Variants in SULT4A1 observed in about 807,000 individuals in gnomAD.
The protein encoded by SULT4A1 is sulfotransferase 4A1.
In SULT4A1, 11 loss-of-function variants were observed where a neutral mutation model predicts 35.2. The observed-to-expected ratio is 0.31, with a 90% CI of 0.20 to 0.52. The LOEUF is 0.52. Ranked by LOEUF, SULT4A1 falls within the 20% of genes least tolerant of loss-of-function variation. The probability of loss-of-function intolerance (pLI) is 0.97; values close to 1 mark genes in which losing one functional copy is unlikely to be tolerated. For synonymous variants in SULT4A1, 152 were observed against 151.8 expected, an observed-to-expected ratio of 1.00 and a Z score of -0.01; for missense variants, 271 against 383.7, an observed-to-expected ratio of 0.71 and a Z score of 2.45.
At position 43,829,062 on chromosome 22, in the gene SULT4A1, C is replaced by CGGCCCACG; in HGVS notation, c.732_739dup (p.Arg247ProfsTer18). 6.6e-7 allele frequency: 1 copy of CGGCCCACG among 1,526,598 alleles called. No homozygotes were observed. Among genetic ancestry groups the CGGCCCACG allele is most frequent in the Non-Finnish European group, 8.8e-7 (1 of 1,131,872 alleles). 94.6% of individuals were successfully genotyped at this position (1,526,598 alleles called of 1,614,324 possible). ...GGGAGGCAGGGTGGGGCACGTACCC[C>CGGCCCACG]GGCCCACGGGCAGGGCCTCAGCGTT... On this transcript the variant is annotated frameshift_variant, in exon 6 of 7. Transcript: ENST00000330884. LOFTEE classifies it high-confidence loss of function.
Position 43,841,912 on chromosome 22 carries a change from C to T in SULT4A1, c.190G>A (p.Val64Met), listed in dbSNP as rs1410685224. The stretch of plus-strand genomic sequence containing the variant: ...GCGCCCTGGCTCACCAAGTAGACCA[C>T]CTCCTGCAGCAAGCTGGTGCCTGGA... Reference protein sequence around the residue: ...PKSGTSLLQEVVYLVSQGADP... With the variant: ...PKSGTSLLQEMVYLVSQGADP... The change falls in exon 2 of 7, where the codon GTG (valine) becomes ATG (methionine). Residue 64 changes from valine to methionine, a missense_variant. Transcript: ENST00000330884. 2 of 1,613,336 alleles carry T rather than the reference C, an allele frequency of 1.2e-6. No homozygotes were observed. Among genetic ancestry groups the T allele is most frequent in the Non-Finnish European group, 1.7e-6 (2 of 1,179,604 alleles).
intron 1 of SULT4A1, among the ~76,000 whole-genome samples, chr22:43,851,104 T>TA (rs1401282396): frequency 6.6e-6 from 1 of 152,220 alleles, no homozygotes; most frequent in African/African-American, 2.4e-5. Context: ...CACCATTTTG[T>TA]AAAAATTTTT....
intron 4 of SULT4A1, among the ~76,000 whole-genome samples, chr22:43,838,262 C>T (rs890020803): frequency 2.0e-5 from 3 of 152,270 alleles, no homozygotes; most frequent in African/African-American, 4.8e-5. Context: ...CCCAGCCTCG[C>T]TCCTCCTCAG....
chr22:43,844,143 C>G (rs2063456484), intron 1 of SULT4A1, among the ~76,000 whole-genome samples: 2 of 152,192 alleles, frequency 1.3e-5, no homozygotes, highest in African/African-American at 4.8e-5. Context: ...TGTGTGAGAG[C>G]AGAGGAAAAG....
chr22:43,829,169 G>A lies in SULT4A1; in HGVS notation c.633C>T (p.Ala211=). ...TGTCACAGGACACCCCCAGGAATCT[G>A]GCCAGCTGCTCCACCATCGTCACCA... ...RDLVTMVEQL[A]RFLGVSCDKA... is the part of the protein sequence containing the mutation. Residue 211 remains alanine (A), a synonymous_variant, in exon 6 of 7, where the codon GCC becomes GCT. Coordinates refer to ENST00000330884, the MANE Select transcript of SULT4A1 (RefSeq NM_014351.4). The A allele has an allele frequency of 6.4e-7, 1 of 1,566,442 alleles. No homozygotes were observed. The highest frequency in any genetic ancestry group is 8.7e-7 in the Non-Finnish European group (1 of 1,155,726).
At chr22:43,857,118 A>G (rs962649895) in intron 1 of SULT4A1, among the ~76,000 whole-genome samples, 1 of 152,212 alleles carries the variant, frequency 6.6e-6, no homozygotes, top group African/African-American at 2.4e-5. Context: ...GAAATGCTAG[A>G]GGGAAAAAAA....
chr22:43,839,909 G>T, intron 3 of SULT4A1, 36 bp downstream of exon 3: 2 of 1,571,846 alleles, frequency 1.3e-6, no homozygotes, highest in South Asian at 1.2e-5. Context: ...TCTTGGTGGG[G>T]ACTCATCTCG....
intron 1 of SULT4A1, among the ~76,000 whole-genome samples, chr22:43,861,017 C>T (rs1220366234): frequency 6.6e-6 from 1 of 152,160 alleles, no homozygotes; most frequent in Non-Finnish European, 1.5e-5. Flanking sequence ...ACTTGGCCCG[C>T]AGGACTTAAT....
chr22:43,831,015 T>A lies in SULT4A1; in HGVS notation c.604-1817A>T, dbSNP rs551195208. Among the ~76,000 whole-genome samples the A allele has an allele frequency of 2.6e-5, 4 of 152,346 alleles. No individual in the cohort carries two copies. The East Asian group carries it at 7.7e-4, about 29-fold the overall frequency. The stretch of plus-strand genomic sequence containing the variant: ...GCCAATTAGAAGGCGAAACGCTGAC[T>A]GTCCCAGGGATGCCATTGAGTCACA... On this transcript the variant is annotated intron_variant, in intron 5 of 6. Coordinates refer to ENST00000330884, the MANE Select transcript of SULT4A1 (RefSeq NM_014351.4).
chr22:43,826,748 A>G (rs1794840170), intron 6 of SULT4A1: 1 of 985,490 alleles, frequency 1.0e-6, no homozygotes, highest in Admixed American at 6.1e-5. Context: ...TTTAAAGTGA[A>G]TCAAATAGTC....
At chr22:43,829,598 C>T (rs1015166074) in intron 5 of SULT4A1, among the ~76,000 whole-genome samples, 6 of 152,192 alleles carry the variant, frequency 3.9e-5, no homozygotes, top group Non-Finnish European at 7.3e-5. Context: ...CCCTTGGGAG[C>T]GCAGGGAGGC....
At chr22:43,850,201 T>C (rs1437673348) in intron 1 of SULT4A1, among the ~76,000 whole-genome samples, 2 of 152,226 alleles carry the variant, frequency 1.3e-5, no homozygotes, top group African/African-American at 4.8e-5. Context: ...GTAGATTATT[T>C]TTACCCTCAA....
chr22:43,843,619 T>C (rs138079), intron 1 of SULT4A1, among the ~76,000 whole-genome samples: 135,208 of 152,236 alleles, frequency 0.89, 60,249 homozygotes, highest in East Asian at 0.99. Flanking sequence ...CCAATGAGGG[T>C]TCCATAAAAG....
chr22:43,836,899 C>T (rs1338053836), intron 4 of SULT4A1, among the ~76,000 whole-genome samples: 3 of 152,218 alleles, frequency 2.0e-5, no homozygotes, highest in Non-Finnish European at 2.9e-5. Flanking sequence ...ACACAGCGTC[C>T]GCACACTGCA....
intron 5 of SULT4A1, among the ~76,000 whole-genome samples, chr22:43,831,009 G>A (rs779205054): frequency 1.3e-5 from 2 of 152,208 alleles, no homozygotes; most frequent in Non-Finnish European, 2.9e-5. Flanking sequence ...AAGGCGAAAC[G>A]CTGACTGTCC....
Position 43,859,604 on chromosome 22 carries a change from G to A in SULT4A1, c.169+2610C>T, listed in dbSNP as rs190782813. The stretch of plus-strand genomic sequence containing the variant: ...CACAATCGGATTTAATACAACCACC[G>A]TCCCAGGACCAACTACGCTGTAAGA... On this transcript the variant is annotated intron_variant, in intron 1 of 6. Transcript: ENST00000330884. 1.1e-4 allele frequency among the ~76,000 whole-genome samples: 17 copies of A among 152,312 alleles called. No homozygotes were observed. The East Asian group carries it at 1.5e-3, about 14-fold the overall frequency.
chr22:43,852,021 ATCCCTT>A (rs1158770772), intron 1 of SULT4A1, among the ~76,000 whole-genome samples: 2 of 152,014 alleles, frequency 1.3e-5, no homozygotes, highest in Non-Finnish European at 2.9e-5. Context: ...AGAGCTTTCT[ATCCCTT>A]TATTGTCACT....
chr22:43,832,705 C>T (rs1403240524), intron 5 of SULT4A1, among the ~76,000 whole-genome samples: 1 of 152,156 alleles, frequency 6.6e-6, no homozygotes, highest in African/African-American at 2.4e-5. Context: ...ACAGCCCCCA[C>T]CCCAGCGCCA....
intron 3 of SULT4A1, 58 bp downstream of exon 3, chr22:43,839,887 A>T: frequency 6.6e-7 from 1 of 1,504,684 alleles, no homozygotes; most frequent in Non-Finnish European, 9.1e-7. Context: ...TTGCACAGGG[A>T]CCTTGGGCTC....
Sources: gnomAD v4.1 joint callset for allele counts (sites outside exome capture counted in the v4.1 genomes callset) on GRCh38, gnomAD v4.1.1 for gene constraint, MANE v1.5 for transcripts, NCBI Gene and HGNC (gene_info 2026-07-23, HGNC 2026-07-21) for gene names.